Variants in NGF observed in about 807,000 individuals in gnomAD.
NGF encodes the protein nerve growth factor, also known as beta-nerve growth factor.
NGF carries 4 observed loss-of-function variants against 12.8 expected under a neutral mutation model. That is an observed-to-expected ratio of 0.31 (90% confidence interval 0.15 to 0.72). NGF has a LOEUF of 0.72. NGF is among the 30% of genes least tolerant of loss of function. The probability of loss-of-function intolerance (pLI) is 0.69; values close to 1 mark genes in which losing one functional copy is unlikely to be tolerated. For missense variants in NGF, 283 were observed against 330.8 expected (o/e 0.86, Z 1.12); for synonymous variants, 140 against 130.0 (o/e 1.08, Z -0.52).
rs67332447 is a variant in NGF, at chr1:115,290,386, C to CT, written c.-13+3240dup. ...TCTGAGACAAACTACCTTCTCTCAT[C>CT]TTTTTTTTTTTTTTTTTTTTTTTTT... On this transcript the variant is annotated intron_variant, in intron 2 of 2. Coordinates refer to ENST00000369512, the MANE Select transcript of NGF (RefSeq NM_002506.3). Among the ~76,000 whole-genome samples, 410 of 64,508 alleles carry CT rather than the reference C, an allele frequency of 6.4e-3. 47 individuals carry two copies. The highest frequency in any genetic ancestry group is 0.022 in the Admixed American group (88 of 4,070). The allele number at this position is 64,508 out of a possible 152,430, so 42.3% of individuals were successfully genotyped here. A position where few individuals can be genotyped will look rare whatever the true frequency, so the allele number is the denominator to read the frequency against.
intron 1 of NGF, among the ~76,000 whole-genome samples, chr1:115,315,413 A>T (rs1654450247): frequency 6.6e-6 from 1 of 152,122 alleles, no homozygotes; most frequent in African/African-American, 2.4e-5. Context: ...TATTGGAGGA[A>T]TAGGGTCAAA....
chr1:115,292,881 C>A lies in NGF; in HGVS notation c.-13+746G>T, dbSNP rs556231056. Among the ~76,000 whole-genome samples, 6 of 151,836 alleles carry A rather than the reference C, an allele frequency of 4.0e-5. No individual in the cohort carries two copies. The South Asian group carries it at 1.3e-3, about 32-fold the overall frequency. ...ACTTGATCTAAAAGCACTTGAAATG[C>A]CCATGATAGAAATATGCAACCAGAA... On this transcript the variant is annotated intron_variant, in intron 2 of 2. Transcript: ENST00000369512.
intron 1 of NGF, among the ~76,000 whole-genome samples, chr1:115,311,321 A>T (rs910709247): frequency 6.6e-6 from 1 of 152,208 alleles, no homozygotes; most frequent in Admixed American, 6.5e-5. Context: ...TGGAGTTGTC[A>T]TCCAGATCTT....
At chr1:115,294,193 G>A (rs1299257665) in intron 1 of NGF, among the ~76,000 whole-genome samples, 1 of 152,220 alleles carries the variant, frequency 6.6e-6, no homozygotes, top group East Asian at 1.9e-4. Flanking sequence ...GCAAGTTGGT[G>A]CTTTGATAAA....
intron 1 of NGF, among the ~76,000 whole-genome samples, chr1:115,308,440 A>G (rs919953460): frequency 3.9e-5 from 6 of 152,238 alleles, no homozygotes; most frequent in Admixed American, 1.3e-4. Flanking sequence ...AACTTCAGGA[A>G]GGCTTTCACA....
At chr1:115,329,477 T>A (rs1412620877) in intron 1 of NGF, among the ~76,000 whole-genome samples, 1 of 152,218 alleles carries the variant, frequency 6.6e-6, no homozygotes, top group Non-Finnish European at 1.5e-5. Flanking sequence ...TGCTGTTGTC[T>A]ATGCCAGTGG....
intron 1 of NGF, among the ~76,000 whole-genome samples, chr1:115,299,770 T>G (rs1653978380): frequency 6.6e-6 from 1 of 152,186 alleles, no homozygotes. Context: ...AAACATCTCC[T>G]TGGTTCCAAC....
chr1:115,290,396 T>C (rs994060221), intron 2 of NGF, among the ~76,000 whole-genome samples: 2 of 128,630 alleles, frequency 1.6e-5, no homozygotes, highest in Non-Finnish European at 3.2e-5. Context: ...CTTTTTTTTT[T>C]TTTTTTTTTT....
At chr1:115,298,922 T>C (rs1475036913) in intron 1 of NGF, among the ~76,000 whole-genome samples, 1 of 152,124 alleles carries the variant, frequency 6.6e-6, no homozygotes, top group Non-Finnish European at 1.5e-5. Flanking sequence ...GTGTGACTAC[T>C]GTGATCTTCC....
At chr1:115,321,582 G>A (rs965979525) in intron 1 of NGF, among the ~76,000 whole-genome samples, 10 of 34,316 alleles carry the variant, frequency 2.9e-4, no homozygotes, top group African/African-American at 4.6e-4. Flanking sequence ...TGGGATGTGT[G>A]TGTGTGTGTG....
At chr1:115,337,357 A>C (rs1259710691) in intron 1 of NGF, among the ~76,000 whole-genome samples, 3 of 132,352 alleles carry the variant, frequency 2.3e-5, no homozygotes, top group Non-Finnish European at 1.5e-5. Flanking sequence ...CTGCTGGCTC[A>C]AAGTTGCAGC....
chr1:115,304,176 TA>T (rs2101035588), intron 1 of NGF, among the ~76,000 whole-genome samples: 1 of 151,764 alleles, frequency 6.6e-6, no homozygotes, highest in East Asian at 1.9e-4. Flanking sequence ...CACACACAAG[TA>T]TTTTTTTTTC....
rs1267167584 is a variant in NGF, at chr1:115,285,978, C to T, written c.*92G>A. 3 of 1,470,724 alleles carry T rather than the reference C, an allele frequency of 2.0e-6. No individual in the cohort carries two copies. Among genetic ancestry groups the T allele is most frequent in the Admixed American group, 4.2e-5 (2 of 48,002 alleles). The allele number at this position is 1,470,724 out of a possible 1,614,324, so 91.1% of individuals were successfully genotyped here. ...ACTGTATAAACTATAAATTACCATG[C>T]AGTCCTTATAATTTAAAATAATTTA... is the stretch of plus-strand genomic sequence containing the variant. On this transcript the variant is annotated 3_prime_UTR_variant, in exon 3 of 3. Transcript: ENST00000369512.
At chr1:115,322,356 G>A (rs1035470665) in intron 1 of NGF, among the ~76,000 whole-genome samples, 2 of 152,148 alleles carry the variant, frequency 1.3e-5, no homozygotes, top group East Asian at 3.9e-4. Context: ...TGGTAAGAAA[G>A]GAAAGGGGCT....
chr1:115,294,130 T>A (rs1402764086), intron 1 of NGF, among the ~76,000 whole-genome samples: 1 of 152,174 alleles, frequency 6.6e-6, no homozygotes, highest in East Asian at 1.9e-4. Flanking sequence ...CAGATCCAAC[T>A]CTGAACCAGC....
At chr1:115,329,069 A>G (rs1654843789) in intron 1 of NGF, among the ~76,000 whole-genome samples, 1 of 152,002 alleles carries the variant, frequency 6.6e-6, no homozygotes, top group African/African-American at 2.4e-5. Context: ...AGAGGAAAAG[A>G]AGAGGAGAAG....
intron 2 of NGF, among the ~76,000 whole-genome samples, chr1:115,290,133 C>G (rs1415605112): frequency 2.0e-5 from 3 of 152,124 alleles, no homozygotes; most frequent in Non-Finnish European, 2.9e-5. Context: ...CAATGGGATC[C>G]TGCCTCCTTC....
At position 115,302,568 on chromosome 1, in the gene NGF, A is replaced by G. The variant is rs117193221; in HGVS notation, c.-136-8818T>C. Among the ~76,000 whole-genome samples the G allele has an allele frequency of 1.8e-3, 267 of 152,376 alleles. 5 individuals are homozygous for G. In the East Asian group the frequency reaches 0.019, roughly 11 times the overall value. ...GAATGAGGGTGGAGACTGCACGGTGATAATGGAAACCATTTGTTAGCATTT... is the reference window on the plus strand; with the variant it reads ...GAATGAGGGTGGAGACTGCACGGTGGTAATGGAAACCATTTGTTAGCATTT... On this transcript the variant is annotated intron_variant, in intron 1 of 2. Transcript: ENST00000369512.
chr1:115,296,712 TTC>T (rs1171856432), intron 1 of NGF, among the ~76,000 whole-genome samples: 2 of 152,220 alleles, frequency 1.3e-5, no homozygotes. Flanking sequence ...CAGAGAGAAA[TTC>T]TCTGTCCACA....
Sources: allele counts gnomAD v4.1 joint callset (sites outside exome capture counted in the v4.1 genomes callset), GRCh38; gene constraint gnomAD v4.1.1; transcripts MANE v1.5; gene names NCBI Gene and HGNC (gene_info 2026-07-23, HGNC 2026-07-21).